The following FAM3C variants were observed in gnomAD, a reference collection of about 807,000 sequenced individuals.
The protein encoded by FAM3C is FAM3 metabolism regulating signaling molecule C.
FAM3C carries 15 observed loss-of-function variants against 32.5 expected under a neutral mutation model. The observed-to-expected ratio is 0.46, with a 90% CI of 0.31 to 0.71. The LOEUF (loss-of-function observed/expected upper bound fraction) is 0.71. FAM3C is among the 30% of genes least tolerant of loss of function. The probability of loss-of-function intolerance (pLI) is 0.05; values close to 1 mark genes in which losing one functional copy is unlikely to be tolerated. For synonymous variants in FAM3C, 75 were observed against 86.1 expected (o/e 0.87, Z 0.72); for missense variants, 175 against 274.4 (o/e 0.64, Z 2.56).
intron 2 of FAM3C, 31 bp from the exon 3 acceptor site, chr7:121,379,045 T>G: frequency 8.3e-7 from 1 of 1,206,390 alleles, no homozygotes; most frequent in Non-Finnish European, 1.2e-6. Context: ...AGCATAACTT[T>G]GTAAGCCCAC....
chr7:121,363,740 T>C (rs750106641), intron 6 of FAM3C, among the ~76,000 whole-genome samples: 4 of 152,174 alleles, frequency 2.6e-5, no homozygotes, highest in Non-Finnish European at 5.9e-5. Flanking sequence ...TGGCTGATAA[T>C]GAAAAATTAC....
chr7:121,350,949 T>C (rs1008144066), intron 9 of FAM3C, among the ~76,000 whole-genome samples, 194 bp downstream of exon 9: 7 of 152,182 alleles, frequency 4.6e-5, no homozygotes, highest in Non-Finnish European at 1.0e-4. Flanking sequence ...AATATTCCCA[T>C]GCAGAATTTT....
At chr7:121,358,998 T>G (rs1793870529) in intron 8 of FAM3C, among the ~76,000 whole-genome samples, 1 of 151,650 alleles carries the variant, frequency 6.6e-6, no homozygotes, top group Non-Finnish European at 1.5e-5. Context: ...AAAAAACCAC[T>G]TGTGAAAAAA....
intron 2 of FAM3C, among the ~76,000 whole-genome samples, chr7:121,382,074 T>C (rs1360317966): frequency 1.3e-5 from 2 of 152,158 alleles, no homozygotes; most frequent in Non-Finnish European, 2.9e-5. Context: ...AAGTTACCTA[T>C]GTTGGGCACA....
At chr7:121,382,018 A>T (rs1173585141) in intron 2 of FAM3C, among the ~76,000 whole-genome samples, 1 of 152,174 alleles carries the variant, frequency 6.6e-6, no homozygotes, top group Admixed American at 6.6e-5. Flanking sequence ...TGCTGCTGAG[A>T]TGACAATTAA....
rs1224837930 is a variant in FAM3C, at chr7:121,350,425, G to A, written c.*36C>T. On this transcript the variant is annotated 3_prime_UTR_variant, in exon 10 of 10. Coordinates refer to ENST00000359943, the MANE Select transcript of FAM3C (RefSeq NM_014888.3). Reference sequence around the variant, plus strand: ...CATTTATAGCTCTCCCATTAAGAGTGAAAGTGCGCTTTCTTCAATTCTCTC... The same window carrying A: ...CATTTATAGCTCTCCCATTAAGAGTAAAAGTGCGCTTTCTTCAATTCTCTC... 1 of 1,610,112 alleles carries A rather than the reference G, an allele frequency of 6.2e-7. No individual in the cohort carries two copies. Among genetic ancestry groups the A allele is most frequent in the South Asian group, 1.1e-5 (1 of 90,948 alleles).
Position 121,353,560 on chromosome 7 carries a change from A to G in FAM3C, c.468-2291T>C, listed in dbSNP as rs149764555. ...AGGGCTCCTATCATTTTCAAAACTG[A>G]TAAGAATGGTTCATTGTGTCTAAAC... is the stretch of plus-strand genomic sequence containing the variant. On this transcript the variant is annotated intron_variant, in intron 8 of 9. Coordinates refer to ENST00000359943, the MANE Select transcript of FAM3C (RefSeq NM_014888.3). Among the ~76,000 whole-genome samples the G allele has an allele frequency of 4.4e-3, 676 of 152,316 alleles. 4 individuals are homozygous for G. The highest frequency in any genetic ancestry group is 0.012 in the African/African-American group (481 of 41,572).
chr7:121,366,425 C>T (rs975567123), intron 5 of FAM3C, among the ~76,000 whole-genome samples: 2 of 151,950 alleles, frequency 1.3e-5, no homozygotes, highest in East Asian at 3.9e-4. Flanking sequence ...GGTAAGAAGC[C>T]AATCACAAAA....
At chr7:121,362,413 T>C (rs1793943593) in intron 7 of FAM3C, among the ~76,000 whole-genome samples, 2 of 152,192 alleles carry the variant, frequency 1.3e-5, no homozygotes, top group Non-Finnish European at 2.9e-5. Context: ...ATAATAGGAC[T>C]GCTGTTCTAA....
chr7:121,396,334 T>G (rs1772827627), upstream of FAM3C: 2 of 152,042 alleles, frequency 1.3e-5, no homozygotes, highest in Non-Finnish European at 2.9e-5. Flanking sequence ...AGCTCGCCGC[T>G]GGGCCTCCTC....
At chr7:121,368,957 T>TTTG (rs1277528344) in intron 5 of FAM3C, among the ~76,000 whole-genome samples, 18 of 146,226 alleles carry the variant, frequency 1.2e-4, no homozygotes, top group East Asian at 5.9e-4. Context: ...TTGTTCATTT[T>TTTG]TTGTTGTTGT....
intron 1 of FAM3C, among the ~76,000 whole-genome samples, chr7:121,392,695 T>C (rs1562895490): frequency 6.6e-6 from 1 of 152,218 alleles, no homozygotes. Context: ...AACACTACCT[T>C]AGCAAGCCTT....
At chr7:121,372,081 T>C (rs951826054) in intron 4 of FAM3C, 29 bp downstream of exon 4, 2 of 1,557,788 alleles carry the variant, frequency 1.3e-6, no homozygotes, top group Non-Finnish European at 1.8e-6. Context: ...GAATAAATCA[T>C]ACATAAAATA....
intron 3 of FAM3C, among the ~76,000 whole-genome samples, chr7:121,377,671 C>T (rs1794265927): frequency 6.6e-6 from 1 of 152,184 alleles, no homozygotes; most frequent in Non-Finnish European, 1.5e-5. Context: ...CAGTCAACAA[C>T]AGACCATATA....
chr7:121,371,966 C>T (rs1794156111), intron 4 of FAM3C, 144 bp downstream of exon 4: 2 of 581,574 alleles, frequency 3.4e-6, no homozygotes, highest in Non-Finnish European at 6.1e-6. Context: ...TTGGGCTGTC[C>T]AATCAAATAG....
At chr7:121,389,053 C>G (rs1562894240) in intron 1 of FAM3C, among the ~76,000 whole-genome samples, 1 of 152,150 alleles carries the variant, frequency 6.6e-6, no homozygotes, top group Admixed American at 6.5e-5. Context: ...ATAATACCTG[C>G]TTCTCCCTCC....
chr7:121,359,742 C>T (rs1793883091), intron 8 of FAM3C, among the ~76,000 whole-genome samples: 1 of 151,766 alleles, frequency 6.6e-6, no homozygotes, highest in South Asian at 2.1e-4. Flanking sequence ...GCTGATGAAC[C>T]ATAAAAATGC....
intron 6 of FAM3C, 114 bp downstream of exon 6, chr7:121,364,016 G>C (rs957754790): frequency 2.8e-6 from 2 of 720,688 alleles, no homozygotes; most frequent in African/African-American, 1.8e-5. Context: ...ATGGGACAGA[G>C]GGCTTTATCA....
At position 121,388,299 on chromosome 7, in the gene FAM3C, G is replaced by A. The variant is rs1478609100; in HGVS notation, c.-41-5289C>T. On this transcript the variant is annotated intron_variant, in intron 1 of 9. Transcript: ENST00000359943. ...GTTGTACAGCTTCAGAGGTGGGTAT[G>A]ACTTGATCACAAATAAAGGGAGATT... Among the ~76,000 whole-genome samples the A allele has an allele frequency of 2.6e-5, 4 of 151,416 alleles. No individual in the cohort carries two copies. The East Asian group carries it at 5.8e-4, about 22-fold the overall frequency.
Sources: allele counts gnomAD v4.1 joint callset (sites outside exome capture counted in the v4.1 genomes callset), GRCh38; gene constraint gnomAD v4.1.1; transcripts MANE v1.5; gene names NCBI Gene and HGNC (gene_info 2026-07-23, HGNC 2026-07-21).